Variants in RHOT2 observed in about 807,000 individuals in gnomAD.
The protein encoded by RHOT2 is mitochondrial Rho GTPase 2.
In RHOT2, 90 loss-of-function variants were observed where a neutral mutation model predicts 81.6. The ratio of observed to expected loss-of-function variants is 1.10; its 90% CI spans 0.93 to 1.31. The LOEUF (loss-of-function observed/expected upper bound fraction) is 1.31. Ranked by LOEUF, RHOT2 falls within the 40% of genes most tolerant of loss-of-function variation. The probability of loss-of-function intolerance (pLI) is 0.00; values close to 1 mark genes in which losing one functional copy is unlikely to be tolerated. For missense variants in RHOT2, 1,014 were observed against 841.9 expected (o/e 1.20, Z -2.53); for synonymous variants, 512 against 370.9 (o/e 1.38, Z -4.37).
At chr16:669,749 C>T (rs1013257703) in intron 5 of RHOT2, 143 bp downstream of exon 5, 7 of 794,962 alleles carry the variant, frequency 8.8e-6, no homozygotes, top group African/African-American at 3.4e-5. Context: ...TGGAGTCACC[C>T]GGCCCTCTCC....
chr16:671,810 G>GCCCCTA (rs1596515017), intron 12 of RHOT2, 29 bp downstream of exon 12: 2 of 1,586,244 alleles, frequency 1.3e-6, no homozygotes, highest in Non-Finnish European at 1.7e-6. Context: ...CCCTGCCCCT[G>GCCCCTA]CCCCCGCCCC....
In RHOT2 at chr16:670,245, C is replaced by G; in HGVS notation, c.330-4C>G. ...CCCCTGGTGACCATGGGCCTTCAAC[C>G]CAGGGTGCCCATCATCCTAGTGGGC... On this transcript the variant is annotated splice_region_variant and splice_polypyrimidine_tract_variant and intron_variant, in intron 6 of 18. Transcript: ENST00000315082. The G allele has an allele frequency of 4.3e-6, 7 of 1,612,444 alleles. No individual in the cohort carries two copies. Among genetic ancestry groups the G allele is most frequent in the Admixed American group, 1.7e-5 (1 of 59,998 alleles).
chr16:669,479 T>C (rs1436582700), intron 4 of RHOT2, 74 bp from the exon 5 acceptor site: 3 of 1,494,162 alleles, frequency 2.0e-6, no homozygotes, highest in Admixed American at 1.7e-5. Flanking sequence ...AGCCTCGAGA[T>C]GGCGTGGAAC....
At position 673,724 on chromosome 16, in the gene RHOT2, G is replaced by A. The variant is rs752605777; in HGVS notation, c.*118G>A. 8.4e-6 allele frequency: 11 copies of A among 1,310,108 alleles called. No homozygotes were observed. In the Admixed American group the frequency reaches 9.8e-5, roughly 12 times the overall value. 81.2% of individuals were successfully genotyped at this position (1,310,108 alleles called of 1,614,324 possible). A position where few individuals can be genotyped will look rare whatever the true frequency, so the allele number is the denominator to read the frequency against. Reference sequence around the variant, plus strand: ...GCCACTCCGGGAACGCCTTTGCGCCGGGACTTTTTGTTTCTGAAGGCAGTC... The same window carrying A: ...GCCACTCCGGGAACGCCTTTGCGCCAGGACTTTTTGTTTCTGAAGGCAGTC... On this transcript the variant is annotated 3_prime_UTR_variant, in exon 19 of 19. Transcript: ENST00000315082.
At position 671,088 on chromosome 16, in the gene RHOT2, C is replaced by T. The variant is rs1390242623; in HGVS notation, c.754C>T (p.Leu252Phe). The change falls in exon 11 of 19, where the codon CTC becomes TTC. Residue 252 changes from leucine (L) to phenylalanine (F), a missense_variant. Transcript: ENST00000315082. Reference sequence around the variant, plus strand: ...CCTGCTTTGTCTCGGTGCAGGTTTCCTCTTCCTGAACACGCTCTTCATCCA... The same window carrying T: ...CCTGCTTTGTCTCGGTGCAGGTTTCTTCTTCCTGAACACGCTCTTCATCCA... ...REDRLTLDGFLFLNTLFIQRG... is the reference protein window; with the variant it reads ...REDRLTLDGFFFLNTLFIQRG... The T allele has an allele frequency of 2.5e-6, 4 of 1,609,042 alleles. No homozygotes were observed. The highest frequency in any genetic ancestry group is 2.2e-5 in the East Asian group (1 of 44,874).
chr16:669,982 G>C, intron 5 of RHOT2, 141 bp from the exon 6 acceptor site: 1 of 738,790 alleles, frequency 1.4e-6, no homozygotes. Context: ...TCTCCCACCA[G>C]CTTTGTTCCT....
Position 670,875 on chromosome 16 carries a change from C to T in RHOT2, c.640-17C>T, listed in dbSNP as rs367643700. ...CGGGTGGCTGGCTGACTCCCAACAA[C>T]GTTCTCTCGGAAGCAGAAATCCTGC... is the stretch of plus-strand genomic sequence containing the variant. On this transcript the variant is annotated splice_polypyrimidine_tract_variant and intron_variant, in intron 9 of 18. Coordinates refer to ENST00000315082, the MANE Select transcript of RHOT2 (RefSeq NM_138769.3). 3.0e-5 allele frequency: 48 copies of T among 1,582,724 alleles called. No homozygotes were observed. Among genetic ancestry groups the T allele is most frequent in the Non-Finnish European group, 3.7e-5 (43 of 1,160,442 alleles).
chr16:672,953 C>T lies in RHOT2; in HGVS notation c.1553C>T (p.Pro518Leu). 1 of 1,612,836 alleles carries T rather than the reference C, an allele frequency of 6.2e-7. No homozygotes were observed. The highest frequency in any genetic ancestry group is 8.5e-7 in the Non-Finnish European group (1 of 1,180,002). The change falls in exon 18 of 19, where the codon CCC becomes CTC. Residue 518 changes from proline (P) to leucine (L), a missense_variant. Coordinates refer to ENST00000315082, the MANE Select transcript of RHOT2 (RefSeq NM_138769.3). Reference sequence around the variant, plus strand: ...CACCATTACATGGACGGGCAGACCCCCTGCCTCTTTGTCTCCTCCAAGGCC... The same window carrying T: ...CACCATTACATGGACGGGCAGACCCTCTGCCTCTTTGTCTCCTCCAAGGCC... ...YKHHYMDGQTPCLFVSSKADL... is the reference protein window; with the variant it reads ...YKHHYMDGQTLCLFVSSKADL...
In RHOT2 at chr16:670,162, A is replaced by T. The variant is rs2038675271; in HGVS notation, c.316A>T (p.Thr106Ser). The stretch of plus-strand genomic sequence containing the variant: ...GATCCCACTGGTGAATGGGGGGACC[A>T]CGCAGGGGCCCAGGTAATGAGGGGA... ...KWIPLVNGGT[T>S]QGPRVPIILV... Residue 106 changes from threonine (T) to serine (S), a missense_variant, in exon 6 of 19, where the codon ACG becomes TCG. Physicochemically the swap from Thr to Ser is moderately conservative, Grantham distance 58. Transcript: ENST00000315082. 2.5e-6 allele frequency: 4 copies of T among 1,597,710 alleles called. No homozygotes were observed. In the South Asian group the frequency reaches 4.5e-5, roughly 18 times the overall value.
intron 7 of RHOT2, 31 bp from the exon 8 acceptor site, chr16:670,425 C>A (rs757197150): frequency 6.2e-7 from 1 of 1,605,728 alleles, no homozygotes; most frequent in South Asian, 1.1e-5. Flanking sequence ...CTCCTCGGGG[C>A]ACTTCCCTGA....
At chr16:668,799 G>T (rs770469597) in intron 4 of RHOT2, 100 bp downstream of exon 4, 3 of 1,311,086 alleles carry the variant, frequency 2.3e-6, no homozygotes, top group East Asian at 2.6e-5. Context: ...GGGTGTCCTT[G>T]GCCCTGATAA....
rs1412421875 is a variant in RHOT2 at position 670,367 on chromosome 16, T to C, written c.438+10T>C. 1 of 1,612,054 alleles carries C rather than the reference T, an allele frequency of 6.2e-7. No individual in the cohort carries two copies. Among genetic ancestry groups the C allele is most frequent in the Non-Finnish European group, 8.5e-7 (1 of 1,179,408 alleles). ...TGAGACCTGCGTGGAGGTGAGTAGG[T>C]CCCAGGCAGGGCCGCCTCCTTCATT... On this transcript the variant is annotated intron_variant, in intron 7 of 18. Transcript: ENST00000315082.
rs746681682 is a variant in RHOT2, at chr16:673,606, AG to A, written c.*2del. On this transcript the variant is annotated 3_prime_UTR_variant, in exon 19 of 19. Transcript: ENST00000315082. ...ACAGGGTCCTGGTGAAGAGCCAGTG[AG>A]GCCCCTGGTACCCAAGCCCCCTCCC... 3 of 1,605,104 alleles carry A rather than the reference AG, an allele frequency of 1.9e-6. No homozygotes were observed. The highest frequency in any genetic ancestry group is 2.2e-5 in the South Asian group (2 of 90,636).
chr16:672,989 A>G lies in RHOT2; in HGVS notation c.1589A>G (p.Glu530Gly). The G allele has an allele frequency of 6.2e-7, 1 of 1,612,744 alleles. No homozygotes were observed. The highest frequency in any genetic ancestry group is 8.5e-7 in the Non-Finnish European group (1 of 1,179,990). Residue 530 changes from glutamate to glycine, a missense_variant, in exon 18 of 19, where the codon GAA becomes GGA. Transcript: ENST00000315082. ...LFVSSKADLP[E>G]GVAVSGPSPA... is the part of the protein sequence containing the mutation. ...GTCTCCTCCAAGGCCGACCTGCCCGAAGGTGTCGCGGTGTCTGGCCCATCA... is the reference window on the plus strand; with the variant it reads ...GTCTCCTCCAAGGCCGACCTGCCCGGAGGTGTCGCGGTGTCTGGCCCATCA...
Position 673,857 on chromosome 16 carries a change from G to A in RHOT2, c.*251G>A, listed in dbSNP as rs1011031262. The A allele has an allele frequency of 2.0e-5, 12 of 609,964 alleles. No homozygotes were observed. Among genetic ancestry groups the A allele is most frequent in the East Asian group, 5.9e-5 (2 of 33,832 alleles). The allele number at this position is 609,964 out of a possible 1,614,324, so 37.8% of individuals were successfully genotyped here. On this transcript the variant is annotated 3_prime_UTR_variant, in exon 19 of 19. Coordinates refer to ENST00000315082, the MANE Select transcript of RHOT2 (RefSeq NM_138769.3). Reference sequence around the variant, plus strand: ...CAGGAGCTCCCAAGTGCCGGCCACCGCTGTCAGGGATTGCCCACCCCTGGG... The same window carrying A: ...CAGGAGCTCCCAAGTGCCGGCCACCACTGTCAGGGATTGCCCACCCCTGGG...
Position 672,341 on chromosome 16 carries a change from G to T in RHOT2, c.1283G>T (p.Gly428Val), listed in dbSNP as rs746435333. The part of the protein sequence containing the change: ...LCKVVGARGV[G>V]KSAFLQAFLG... ...AAGGTGGTAGGGGCCCGTGGAGTGG[G>T]CAAGTCTGCCTTCCTGCAGGCCTTT... is the stretch of plus-strand genomic sequence containing the variant. Residue 428 changes from glycine (G) to valine (V), a missense_variant, in exon 15 of 19, where the codon GGC becomes GTC. By Grantham distance (109) the Gly-to-Val change is moderately radical. Coordinates refer to ENST00000315082, the MANE Select transcript of RHOT2 (RefSeq NM_138769.3). 2 of 1,611,966 alleles carry T rather than the reference G, an allele frequency of 1.2e-6. No individual in the cohort carries two copies. Among genetic ancestry groups the T allele is most frequent in the Non-Finnish European group, 1.7e-6 (2 of 1,179,484 alleles).
At chr16:670,616 GGGGCGGTGTGGCA>G in intron 8 of RHOT2, 46 bp from the exon 9 acceptor site, 5 of 1,601,726 alleles carry the variant, frequency 3.1e-6, no homozygotes, top group Non-Finnish European at 4.3e-6. Flanking sequence ...GGTGCTGGGT[GGGGCGGTGTGGCA>G]GGTCGGCGTG....
In RHOT2 at chr16:673,873, C is replaced by T. The variant is rs749461980; in HGVS notation, c.*267C>T. The T allele has an allele frequency of 2.4e-4, 142 of 602,624 alleles. 1 individual carries two copies. The East Asian group carries it at 4.4e-3, about 18-fold the overall frequency. 37.3% of individuals were successfully genotyped at this position (602,624 alleles called of 1,614,324 possible). ...CCGGCCACCGCTGTCAGGGATTGCC[C>T]ACCCCTGGGCATCATGTGTGTGGGG... is the stretch of plus-strand genomic sequence containing the variant. On this transcript the variant is annotated 3_prime_UTR_variant, in exon 19 of 19. Coordinates refer to ENST00000315082, the MANE Select transcript of RHOT2 (RefSeq NM_138769.3).
intron 5 of RHOT2, 76 bp from the exon 6 acceptor site, chr16:670,047 C>T (rs1005749106): frequency 3.6e-6 from 5 of 1,400,708 alleles, no homozygotes; most frequent in South Asian, 2.8e-5. Flanking sequence ...TGCTCTCCCC[C>T]AGCCAGGCTC....
Sources: gnomAD v4.1 joint callset for allele counts on GRCh38, gnomAD v4.1.1 for gene constraint, MANE v1.5 for transcripts, NCBI Gene and HGNC (gene_info 2026-07-23, HGNC 2026-07-21) for gene names.